Variants in KDM4B observed in about 807,000 individuals in gnomAD.
KDM4B encodes the protein lysine demethylase 4B.
A neutral mutation model predicts 125.2 loss-of-function variants in KDM4B; 32 were observed. The observed-to-expected ratio is 0.26, with a 90% CI of 0.19 to 0.34. KDM4B has a LOEUF of 0.34. Among genes scored for constraint, KDM4B ranks in the 10% least tolerant of loss-of-function variants. KDM4B has a pLI of 1.00. For missense variants in KDM4B, 1,190 were observed against 1,577.7 expected, an observed-to-expected ratio of 0.75 and a Z score of 4.16; for synonymous variants, 721 against 677.9, an observed-to-expected ratio of 1.06 and a Z score of -0.99.
intron 9 of KDM4B, among the ~76,000 whole-genome samples, chr19:5,091,762 G>A (rs918774229): frequency 1.3e-5 from 2 of 152,092 alleles, no homozygotes; most frequent in Non-Finnish European, 2.9e-5. Context: ...GGGGAAGGGT[G>A]GGAGGGAGGA....
intron 9 of KDM4B, among the ~76,000 whole-genome samples, chr19:5,101,428 C>G (rs1020387676): frequency 6.6e-5 from 10 of 151,150 alleles, no homozygotes; most frequent in African/African-American, 2.4e-4. Context: ...GAGGCTGAGG[C>G]AGGAGGATTG....
chr19:5,141,670 C>T lies in KDM4B; in HGVS notation c.2551-2297C>T, dbSNP rs568986799. Among the ~76,000 whole-genome samples the T allele has an allele frequency of 1.3e-3, 203 of 152,318 alleles. 2 individuals carry two copies. In the South Asian group the frequency reaches 0.021, roughly 15 times the overall value. On this transcript the variant is annotated intron_variant, in intron 18 of 22. Transcript: ENST00000159111. The surrounding 1 kb of genome is among the most constrained non-coding windows in gnomAD (Gnocchi z 6.4). ...TCTCCAGGACTTCTCCAGCCACCGG[C>T]TCAGGGCTCCAGGCAGTCCTGGTGA...
intron 9 of KDM4B, among the ~76,000 whole-genome samples, chr19:5,095,856 T>C (rs2038810678): frequency 6.6e-6 from 1 of 152,154 alleles, no homozygotes; most frequent in South Asian, 2.1e-4. Flanking sequence ...TGCGAGCATG[T>C]CGTTTGTGTG....
At chr19:5,124,659 C>A (rs966778996) in intron 11 of KDM4B, among the ~76,000 whole-genome samples, 17 of 152,200 alleles carry the variant, frequency 1.1e-4, no homozygotes, top group African/African-American at 3.9e-4. Flanking sequence ...TGCAGTGACG[C>A]AATCTCAGCT....
At position 5,148,308 on chromosome 19, in the gene KDM4B, C is replaced by G. The variant is rs187315194; in HGVS notation, c.3022-2050C>G. Among the ~76,000 whole-genome samples the G allele has an allele frequency of 3.9e-3, 588 of 152,338 alleles. 1 individual carries two copies. Among genetic ancestry groups the G allele is most frequent in the Non-Finnish European group, 6.5e-3 (444 of 68,030 alleles). ...ACTGGGAGGAAATCAGCCTGAGTCT[C>G]CAGTCAGCCCCCAGTTCCCAAATGA... On this transcript the variant is annotated intron_variant, in intron 21 of 22. Transcript: ENST00000159111.
At chr19:5,007,159 T>C (rs952663681) in intron 1 of KDM4B, among the ~76,000 whole-genome samples, 1 of 152,100 alleles carries the variant, frequency 6.6e-6, no homozygotes, top group Non-Finnish European at 1.5e-5. Context: ...CATTTGAGAG[T>C]TGGGGAACGT....
chr19:5,146,418 A>G (rs1160466347), intron 21 of KDM4B, among the ~76,000 whole-genome samples: 2 of 152,258 alleles, frequency 1.3e-5, no homozygotes, highest in Non-Finnish European at 2.9e-5. Flanking sequence ...CCCCATGGCC[A>G]GCCCTGTGGG....
intron 9 of KDM4B, among the ~76,000 whole-genome samples, chr19:5,107,398 G>A (rs2039055762): frequency 1.3e-5 from 2 of 152,242 alleles, no homozygotes; most frequent in African/African-American, 2.4e-5. Flanking sequence ...GCAGGAATTG[G>A]AGCGGGCGGG....
At chr19:4,995,585 T>C (rs1276801959) in intron 1 of KDM4B, among the ~76,000 whole-genome samples, 1 of 152,112 alleles carries the variant, frequency 6.6e-6, no homozygotes, top group African/African-American at 2.4e-5. Context: ...GGCCGAGGCT[T>C]GGCATTTTTA....
chr19:5,090,804 T>C (rs2038685057), intron 9 of KDM4B, among the ~76,000 whole-genome samples: 1 of 150,968 alleles, frequency 6.6e-6, no homozygotes, highest in African/African-American at 2.4e-5. Flanking sequence ...TCTGCTTCCC[T>C]TGCCCCACTT....
Position 5,131,796 on chromosome 19 carries a change from C to T in KDM4B, c.1786-91C>T, listed in dbSNP as rs929371703. 75 of 1,551,948 alleles carry T rather than the reference C, an allele frequency of 4.8e-5. No individual in the cohort carries two copies. In the Admixed American group the frequency reaches 1.3e-3, roughly 27 times the overall value. ...TCACCCCAGGAGAGGAGACTCAGGC[C>T]TCAGGCACGCCGAGCCCCTGTGTGG... On this transcript the variant is annotated intron_variant, in intron 12 of 22. Transcript: ENST00000159111.
At position 5,077,543 on chromosome 19, in the gene KDM4B, C is replaced by A. The variant is rs570690002; in HGVS notation, c.780+73C>A. On this transcript the variant is annotated intron_variant, in intron 8 of 22. Transcript: ENST00000159111. ...GTCCAAGCCCAGGTGGCCGCACATACCCCAGGAGATAAGCTGTTTAACCCT... is the reference window on the plus strand; with the variant it reads ...GTCCAAGCCCAGGTGGCCGCACATAACCCAGGAGATAAGCTGTTTAACCCT... The A allele has an allele frequency of 5.6e-6, 7 of 1,250,834 alleles. No individual in the cohort carries two copies. The Admixed American group carries it at 1.2e-4, about 22-fold the overall frequency. 77.5% of individuals were successfully genotyped at this position (1,250,834 alleles called of 1,614,324 possible).
At chr19:5,051,850 C>G (rs574295390) in intron 6 of KDM4B, among the ~76,000 whole-genome samples, 2 of 152,254 alleles carry the variant, frequency 1.3e-5, no homozygotes, top group Non-Finnish European at 2.9e-5. Context: ...TGGGGGTCCC[C>G]CATGGTCTCA....
At chr19:5,113,740 C>T (rs1402365003) in intron 10 of KDM4B, 2 of 254,656 alleles carry the variant, frequency 7.9e-6, no homozygotes, top group Non-Finnish European at 1.2e-5. Context: ...CCACAGATGT[C>T]CCTAGACATC....
At chr19:5,138,143 C>T (rs1245606925) in intron 18 of KDM4B, 73 bp downstream of exon 18, 11 of 1,179,480 alleles carry the variant, frequency 9.3e-6, no homozygotes, top group African/African-American at 9.0e-5. Flanking sequence ...TCCCCACCTG[C>T]GCGATCTGAA....
At position 5,144,382 on chromosome 19, in the gene KDM4B, C is replaced by T. The variant is rs2039801863; in HGVS notation, c.2871C>T (p.Tyr957=). The T allele has an allele frequency of 6.4e-7, 1 of 1,565,438 alleles. No homozygotes were observed. Among genetic ancestry groups the T allele is most frequent in the African/African-American group, 1.4e-5 (1 of 73,818 alleles). Residue 957 remains tyrosine, a synonymous_variant, in exon 20 of 23, where the codon TAC becomes TAT. Coordinates refer to ENST00000159111, the MANE Select transcript of KDM4B (RefSeq NM_015015.3). Reference sequence around the variant, plus strand: ...AAGTGAACTTCGACGATGGCTCCTACAGCGACAACCTGTACCCTGAGAGCA... The same window carrying T: ...AAGTGAACTTCGACGATGGCTCCTATAGCGACAACCTGTACCCTGAGAGCA... ...CYEVNFDDGS[Y]SDNLYPESIT...
At chr19:5,133,210 A>G (rs1019764273) in intron 13 of KDM4B, among the ~76,000 whole-genome samples, 1 of 152,122 alleles carries the variant, frequency 6.6e-6, no homozygotes, top group African/African-American at 2.4e-5. Flanking sequence ...TTAGAGTTCA[A>G]TGGGAACAGG....
In KDM4B at chr19:5,068,587, G is replaced by C. The variant is rs545264476; in HGVS notation, c.627-2423G>C. ...TTTTTCTTCCGCCTGTGTCCTTGGG[G>C]GTGGCCGGGAGGCAGGTCTGCCAGC... is the stretch of plus-strand genomic sequence containing the variant. On this transcript the variant is annotated intron_variant, in intron 6 of 22. Coordinates refer to ENST00000159111, the MANE Select transcript of KDM4B (RefSeq NM_015015.3). Among the ~76,000 whole-genome samples, 4 of 152,376 alleles carry C rather than the reference G, an allele frequency of 2.6e-5. No individual in the cohort carries two copies. The South Asian group carries it at 8.3e-4, about 32-fold the overall frequency.
intron 6 of KDM4B, among the ~76,000 whole-genome samples, chr19:5,064,832 TGTG>T (rs1357854176): frequency 1.3e-5 from 2 of 152,012 alleles, no homozygotes; most frequent in African/African-American, 2.4e-5. Flanking sequence ...AGCCGGCAGG[TGTG>T]GTGGGGACAT....
Sources: allele counts gnomAD v4.1 joint callset (sites outside exome capture counted in the v4.1 genomes callset), GRCh38; gene constraint gnomAD v4.1.1; non-coding constraint Gnocchi (gnomAD v3.1); transcripts MANE v1.5; gene names NCBI Gene and HGNC (gene_info 2026-07-23, HGNC 2026-07-21).